TMEM132B: variants seen among roughly 807,000 people sequenced by gnomAD.
The protein encoded by TMEM132B is transmembrane protein 132B.
TMEM132B carries 18 observed loss-of-function variants against 90.8 expected under a neutral mutation model. The ratio of observed to expected loss-of-function variants is 0.20; its 90% confidence interval spans 0.14 to 0.29. The LOEUF is 0.29. Ranked by LOEUF, TMEM132B falls within the 10% of genes least tolerant of loss-of-function variation. The probability of loss-of-function intolerance (pLI) is 1.00; values close to 1 mark genes in which losing one functional copy is unlikely to be tolerated. For missense variants in TMEM132B, 1,096 were observed against 1,326.8 expected (o/e 0.83, Z 2.70); for synonymous variants, 504 against 523.3 (o/e 0.96, Z 0.50).
chr12:125,286,059 A>G (rs1875346119), intron 1 of TMEM132B, among the ~76,000 whole-genome samples: 1 of 152,204 alleles, frequency 6.6e-6, no homozygotes, highest in Admixed American at 6.5e-5. Context: ...TCATCCTCAT[A>G]TGTTTATCGA....
intron 1 of TMEM132B, among the ~76,000 whole-genome samples, chr12:125,336,065 T>C (rs773061648): frequency 3.3e-5 from 5 of 152,088 alleles, no homozygotes; most frequent in Non-Finnish European, 7.4e-5. Flanking sequence ...ATGCATGGAG[T>C]TGTGTAAGCA....
At chr12:125,524,278 G>A (rs562534891) in intron 4 of TMEM132B, among the ~76,000 whole-genome samples, 21 of 152,360 alleles carry the variant, frequency 1.4e-4, no homozygotes, top group African/African-American at 4.1e-4. Flanking sequence ...AAGGGAAAAT[G>A]TCCCAGATAG....
At chr12:125,635,921 T>G (rs1033403553) in intron 5 of TMEM132B, among the ~76,000 whole-genome samples, 1 of 152,200 alleles carries the variant, frequency 6.6e-6, no homozygotes, top group Non-Finnish European at 1.5e-5. Context: ...TTTCTCTTTC[T>G]GCTATAATAG....
rs1879529997 is a variant in TMEM132B, at chr12:125,407,427, AG to A, written c.960-8102del. Among the ~76,000 whole-genome samples, 1 of 152,218 alleles carries A rather than the reference AG, an allele frequency of 6.6e-6. No homozygotes were observed. The highest frequency in any genetic ancestry group is 6.5e-5 in the Admixed American group (1 of 15,288). ...AGATGCAGGTGTGTACTCACAGAGC[AG>A]GTTTCCTTTTGCCCAGCTAGGTGGT... On this transcript the variant is annotated intron_variant, in intron 2 of 8. Coordinates refer to ENST00000682704, the MANE Select transcript of TMEM132B (RefSeq NM_001366854.1). The surrounding 1 kb of genome is among the most constrained non-coding windows in gnomAD (Gnocchi z 6.7).
intron 4 of TMEM132B, among the ~76,000 whole-genome samples, chr12:125,557,295 C>A (rs962510868): frequency 1.3e-5 from 2 of 152,202 alleles, no homozygotes; most frequent in South Asian, 4.2e-4. Context: ...GTATCCTTTA[C>A]CTAGAAGACT....
chr12:125,512,092 A>ACAGT (rs1399241446), intron 3 of TMEM132B, among the ~76,000 whole-genome samples: 1 of 152,138 alleles, frequency 6.6e-6, no homozygotes, highest in Non-Finnish European at 1.5e-5. Context: ...AGCTGGAAAC[A>ACAGT]CAGTGCAAAA....
At chr12:125,462,873 T>G (rs1317353792) in intron 3 of TMEM132B, among the ~76,000 whole-genome samples, 1 of 152,226 alleles carries the variant, frequency 6.6e-6, no homozygotes, top group African/African-American at 2.4e-5. Context: ...TTTGTTTGTT[T>G]GTTTGAGCCA....
intron 4 of TMEM132B, among the ~76,000 whole-genome samples, chr12:125,572,176 C>T (rs1884814951): frequency 6.6e-6 from 1 of 152,134 alleles, no homozygotes; most frequent in South Asian, 2.1e-4. Context: ...CATATTTATC[C>T]CATTGCTAGT....
chr12:125,208,013 A>G (rs1873222971), intron 1 of TMEM132B, among the ~76,000 whole-genome samples: 1 of 152,362 alleles, frequency 6.6e-6, no homozygotes, highest in Middle Eastern at 3.4e-3. Context: ...GTGGCTAGCT[A>G]ATGGCTACTG....
chr12:125,290,213 G>A (rs756890844), intron 1 of TMEM132B, among the ~76,000 whole-genome samples: 14 of 152,190 alleles, frequency 9.2e-5, no homozygotes, highest in Non-Finnish European at 1.9e-4. Flanking sequence ...CCCAACTGCC[G>A]AAGCTTCTGA....
At chr12:125,544,824 G>T (rs935846617) in intron 4 of TMEM132B, among the ~76,000 whole-genome samples, 5 of 152,228 alleles carry the variant, frequency 3.3e-5, no homozygotes, top group Non-Finnish European at 7.3e-5. Context: ...GACCCTGAAT[G>T]AATGGATGAC....
chr12:125,290,928 T>C (rs4765036), intron 1 of TMEM132B, among the ~76,000 whole-genome samples: 20,776 of 152,170 alleles, frequency 0.14, 1,595 homozygotes, highest in African/African-American at 0.2. Context: ...CTCCTGAGAC[T>C]GGATTGTGTT....
chr12:125,546,208 A>G (rs1420647960), intron 4 of TMEM132B, among the ~76,000 whole-genome samples: 2 of 151,456 alleles, frequency 1.3e-5, no homozygotes. Context: ...TTTGAGACAG[A>G]GTCTTGCTCT....
At chr12:125,478,368 A>G (rs946481723) in intron 3 of TMEM132B, among the ~76,000 whole-genome samples, 2 of 152,196 alleles carry the variant, frequency 1.3e-5, no homozygotes, top group Admixed American at 6.5e-5. Context: ...AAAACCTTGA[A>G]AAGAGATTAG....
intron 2 of TMEM132B, among the ~76,000 whole-genome samples, chr12:125,375,673 C>T (rs1339756753): frequency 6.6e-6 from 1 of 152,232 alleles, no homozygotes; most frequent in Non-Finnish European, 1.5e-5. Context: ...CTGTCACACC[C>T]AGGTAGAAAG....
At chr12:125,396,663 C>T (rs1326196288) in intron 2 of TMEM132B, among the ~76,000 whole-genome samples, 1 of 152,022 alleles carries the variant, frequency 6.6e-6, no homozygotes, top group Non-Finnish European at 1.5e-5. Context: ...CGTGCCACCA[C>T]ACTTAGCTAA....
intron 4 of TMEM132B, among the ~76,000 whole-genome samples, chr12:125,562,480 C>T (rs969054774): frequency 2.6e-5 from 4 of 152,246 alleles, no homozygotes; most frequent in African/African-American, 9.6e-5. Flanking sequence ...TTTGGCCTCT[C>T]TGCTTTTGAC....
At position 125,209,508 on chromosome 12, in the gene TMEM132B, T is replaced by C. The variant is rs1873269161; in HGVS notation, c.67+22642T>C. Among the ~76,000 whole-genome samples, 1 of 152,224 alleles carries C rather than the reference T, an allele frequency of 6.6e-6. No homozygotes were observed. Among genetic ancestry groups the C allele is most frequent in the Non-Finnish European group, 1.5e-5 (1 of 68,040 alleles). ...GTTGGCTCAGTCAGCCCTGCTTTGC[T>C]TGAGGGACTGACGGCAGGGACCCTG... On this transcript the variant is annotated intron_variant, in intron 1 of 8. Transcript: ENST00000682704. The surrounding 1 kb of genome is among the most constrained non-coding windows in gnomAD (Gnocchi z 4.4).
At chr12:125,647,279 TCGGG>T (rs1886789619) in intron 6 of TMEM132B, among the ~76,000 whole-genome samples, 1 of 152,140 alleles carries the variant, frequency 6.6e-6, no homozygotes, top group Non-Finnish European at 1.5e-5. Context: ...AGAAAAGGTG[TCGGG>T]CTCAAACAGT....
Sources: gnomAD v4.1 joint callset for allele counts (sites outside exome capture counted in the v4.1 genomes callset) on GRCh38, gnomAD v4.1.1 for gene constraint, Gnocchi (gnomAD v3.1) non-coding constraint, MANE v1.5 for transcripts, NCBI Gene and HGNC (gene_info 2026-07-23, HGNC 2026-07-21) for gene names.